PFDN1: variants seen among roughly 807,000 people sequenced by gnomAD.
PFDN1 encodes prefoldin subunit 1.
A neutral mutation model predicts 17.3 loss-of-function variants in PFDN1; 6 were observed. That is an observed-to-expected ratio of 0.35 (90% confidence interval 0.19 to 0.69). The LOEUF is 0.69. Ranked by LOEUF, PFDN1 falls within the 30% of genes least tolerant of loss-of-function variation. The pLI is 0.65. For missense variants in PFDN1, 113 were observed against 146.2 expected (o/e 0.77, Z 1.17); for synonymous variants, 58 against 50.1 (o/e 1.16, Z -0.67).
intron 3 of PFDN1, among the ~76,000 whole-genome samples, chr5:140,246,367 T>C (rs1314619559): frequency 1.3e-5 from 2 of 152,224 alleles, no homozygotes; most frequent in East Asian, 1.9e-4. Flanking sequence ...CATGAAGTTA[T>C]CCCAGACAGA....
intron 3 of PFDN1, among the ~76,000 whole-genome samples, chr5:140,264,363 G>A (rs1044775379): frequency 6.6e-6 from 1 of 152,168 alleles, no homozygotes; most frequent in South Asian, 2.1e-4. Context: ...ATATTAAGTG[G>A]CAGTCAGGGT....
chr5:140,289,783 A>G (rs1765552590), intron 2 of PFDN1, among the ~76,000 whole-genome samples: 1 of 152,156 alleles, frequency 6.6e-6, no homozygotes, highest in Non-Finnish European at 1.5e-5. Flanking sequence ...CATTCCCTAT[A>G]AGTAGTTTCA....
chr5:140,281,013 G>T (rs1009499805), intron 3 of PFDN1: 1 of 154,598 alleles, frequency 6.5e-6, no homozygotes, highest in East Asian at 1.9e-4. Flanking sequence ...CCTAATTTAG[G>T]TTAAAGAAAT....
intron 2 of PFDN1, among the ~76,000 whole-genome samples, chr5:140,284,221 C>T (rs548194167): frequency 6.6e-6 from 1 of 152,140 alleles, no homozygotes; most frequent in East Asian, 1.9e-4. Flanking sequence ...GAGATTCCAC[C>T]GAAGCTGGCC....
chr5:140,274,839 A>G (rs1765265554), intron 3 of PFDN1, among the ~76,000 whole-genome samples: 2 of 152,022 alleles, frequency 1.3e-5, no homozygotes, highest in South Asian at 4.1e-4. Context: ...CACAGTCTCT[A>G]CTAAAAATAC....
chr5:140,261,093 C>T (rs563377038), intron 3 of PFDN1, among the ~76,000 whole-genome samples: 2 of 135,052 alleles, frequency 1.5e-5, no homozygotes, highest in East Asian at 4.4e-4. Context: ...ACTCAGGAGG[C>T]GGAAGTTACA....
At chr5:140,285,406 G>GA (rs2126695452) in intron 2 of PFDN1, among the ~76,000 whole-genome samples, 1 of 152,002 alleles carries the variant, frequency 6.6e-6, no homozygotes, top group East Asian at 1.9e-4. Flanking sequence ...CACTGGTGAG[G>GA]AAAGTTACTG....
chr5:140,245,224 C>T lies in PFDN1; in HGVS notation c.*750G>A, dbSNP rs1167368115. 2.5e-6 allele frequency: 1 copy of T among 402,806 alleles called. No individual in the cohort carries two copies. Among genetic ancestry groups the T allele is most frequent in the Non-Finnish European group, 4.4e-6 (1 of 224,728 alleles). 25.0% of individuals were successfully genotyped at this position (402,806 alleles called of 1,614,324 possible). ...CTGGGATGAGCCAGCTGGATCACAC[C>T]GTTGCCCCCTCAGCCTCTAGGAGGC... On this transcript the variant is annotated 3_prime_UTR_variant, in exon 4 of 4. Transcript: ENST00000261813.
At position 140,303,075 on chromosome 5, in the gene PFDN1, T is replaced by G; in HGVS notation, c.-2A>C. 2 of 1,612,408 alleles carry G rather than the reference T, an allele frequency of 1.2e-6. No homozygotes were observed. The highest frequency in any genetic ancestry group is 1.7e-6 in the Non-Finnish European group (2 of 1,178,354). ...CTCTAGATCCACGGGGGCGGCCATC[T>G]TGGTGCACTGTAAGCGCCTGCGCAG... On this transcript the variant is annotated 5_prime_UTR_variant, in exon 1 of 4. Coordinates refer to ENST00000261813, the MANE Select transcript of PFDN1 (RefSeq NM_002622.5).
chr5:140,302,312 G>C (rs13185866), intron 1 of PFDN1, among the ~76,000 whole-genome samples: 2 of 152,176 alleles, frequency 1.3e-5, no homozygotes, highest in South Asian at 4.1e-4. Flanking sequence ...GTCATTAGTG[G>C]TGTTAGAATG....
At chr5:140,294,559 G>A (rs1765625822) in intron 2 of PFDN1, among the ~76,000 whole-genome samples, 2 of 151,890 alleles carry the variant, frequency 1.3e-5, no homozygotes, top group African/African-American at 4.8e-5. Context: ...TCAAATTATA[G>A]GTCAACATCC....
rs1048735110 is a variant in PFDN1, at chr5:140,245,050, G to A, written c.*924C>T. On this transcript the variant is annotated 3_prime_UTR_variant, in exon 4 of 4. Coordinates refer to ENST00000261813, the MANE Select transcript of PFDN1 (RefSeq NM_002622.5). ...TCAGTGCACAGATAGAGCACAGATC[G>A]TGGTCAAATGTAGTAATTAGGGATG... 6 of 193,530 alleles carry A rather than the reference G, an allele frequency of 3.1e-5. No homozygotes were observed. Among genetic ancestry groups the A allele is most frequent in the African/African-American group, 9.5e-5 (4 of 42,244 alleles). The allele number at this position is 193,530 out of a possible 1,614,324, so 12.0% of individuals were successfully genotyped here.
intron 3 of PFDN1, among the ~76,000 whole-genome samples, chr5:140,247,641 C>T (rs1764848951): frequency 1.3e-5 from 2 of 152,234 alleles, no homozygotes; most frequent in African/African-American, 4.8e-5. Flanking sequence ...ACAACAGGAG[C>T]TCCATAAAAA....
In PFDN1 at chr5:140,246,073, C is replaced by T; in HGVS notation, c.286-16G>A. On this transcript the variant is annotated splice_polypyrimidine_tract_variant and intron_variant, in intron 3 of 3. Transcript: ENST00000261813. ...ACTTTTTCTGCTGCAATATGAGAGA[C>T]AGACAAAGGTTAGGACCAGAGTGAA... 6.7e-7 allele frequency: 1 copy of T among 1,495,672 alleles called. No individual in the cohort carries two copies. The highest frequency in any genetic ancestry group is 9.1e-7 in the Non-Finnish European group (1 of 1,094,888). The allele number at this position is 1,495,672 out of a possible 1,614,324, so 92.7% of individuals were successfully genotyped here.
At chr5:140,260,698 T>A (rs958417367) in intron 3 of PFDN1, among the ~76,000 whole-genome samples, 1 of 151,546 alleles carries the variant, frequency 6.6e-6, no homozygotes, top group South Asian at 2.1e-4. Flanking sequence ...GAATGGGCAG[T>A]CTCACTGCTT....
chr5:140,246,245 C>T (rs1764827844), intron 3 of PFDN1, among the ~76,000 whole-genome samples, 188 bp from the exon 4 acceptor site: 1 of 152,196 alleles, frequency 6.6e-6, no homozygotes. Flanking sequence ...TGATCACGGG[C>T]AGGCAGCAGG....
intron 3 of PFDN1, among the ~76,000 whole-genome samples, chr5:140,251,136 A>G (rs1475333357): frequency 6.6e-6 from 1 of 151,988 alleles, no homozygotes; most frequent in Non-Finnish European, 1.5e-5. Context: ...GGGTTTCACC[A>G]TGTTGGCCAG....
intron 3 of PFDN1, among the ~76,000 whole-genome samples, chr5:140,263,066 T>TATTATG (rs1765086083): frequency 6.6e-6 from 1 of 152,240 alleles, no homozygotes; most frequent in East Asian, 1.9e-4. Context: ...GCAGGTACTT[T>TATTATG]TCATAAGGGA....
chr5:140,266,701 A>G (rs1765138207), intron 3 of PFDN1, among the ~76,000 whole-genome samples: 1 of 152,274 alleles, frequency 6.6e-6, no homozygotes, highest in South Asian at 2.1e-4. Context: ...GAACACACAC[A>G]CACACCTAAA....
Sources: allele counts gnomAD v4.1 joint callset (sites outside exome capture counted in the v4.1 genomes callset), GRCh38; gene constraint gnomAD v4.1.1; transcripts MANE v1.5; gene names NCBI Gene and HGNC (gene_info 2026-07-23, HGNC 2026-07-21).